VAPB: variants seen among roughly 807,000 people sequenced by gnomAD.
VAPB encodes the protein vesicle-associated membrane protein-associated protein B/C.
A neutral mutation model predicts 25.6 loss-of-function variants in VAPB; 7 were observed. The observed-to-expected ratio is 0.27, with a 90% CI of 0.16 to 0.51. The LOEUF (loss-of-function observed/expected upper bound fraction) is 0.51, where lower values mean the gene tolerates loss of function less well. Ranked by LOEUF, VAPB falls within the 20% of genes least tolerant of loss-of-function variation. The probability of loss-of-function intolerance (pLI) is 0.97; values close to 1 mark genes in which losing one functional copy is unlikely to be tolerated. For missense variants in VAPB, 266 were observed against 301.3 expected (o/e 0.88, Z 0.87); for synonymous variants, 112 against 109.2 (o/e 1.03, Z -0.16).
At chr20:58,393,741 G>GT (rs534640471) in intron 1 of VAPB, among the ~76,000 whole-genome samples, 7 of 132,876 alleles carry the variant, frequency 5.3e-5, no homozygotes, top group South Asian at 2.4e-4. Context: ...GTTTTGTTTT[G>GT]TTTTTTTTGA....
intron 1 of VAPB, among the ~76,000 whole-genome samples, chr20:58,417,791 T>C (rs1568709020): frequency 6.6e-6 from 1 of 152,340 alleles, no homozygotes; most frequent in South Asian, 2.1e-4. Flanking sequence ...CCTGTTAGAT[T>C]TCATATTGTT....
chr20:58,435,411 C>G (rs1235981920), intron 3 of VAPB, among the ~76,000 whole-genome samples: 1 of 152,180 alleles, frequency 6.6e-6, no homozygotes, highest in Non-Finnish European at 1.5e-5. Context: ...ACAGCCCCAG[C>G]AGGGACAGAT....
At chr20:58,423,777 A>C (rs906151785) in intron 2 of VAPB, among the ~76,000 whole-genome samples, 7 of 152,238 alleles carry the variant, frequency 4.6e-5, no homozygotes, top group African/African-American at 1.7e-4. Context: ...GTCTCTGATA[A>C]GCGAAACTTT....
rs574430481 is a variant in VAPB, at chr20:58,397,817, T to C, written c.58+8300T>C. On this transcript the variant is annotated intron_variant, in intron 1 of 5. Transcript: ENST00000475243. ...AACAAATAAGGGTGAGTTAATAAAC[T>C]AGAGACTTGTCTCAATTGTTCAAAG... 7.9e-5 allele frequency among the ~76,000 whole-genome samples: 12 copies of C among 152,340 alleles called. 1 individual carries two copies. In the East Asian group the frequency reaches 2.3e-3, roughly 29 times the overall value.
intron 1 of VAPB, among the ~76,000 whole-genome samples, chr20:58,407,651 CCTT>C (rs1988264435): frequency 6.6e-6 from 1 of 151,492 alleles, no homozygotes; most frequent in Non-Finnish European, 1.5e-5. Context: ...CATACGCCCT[CCTT>C]TTTTTTTTGT....
At chr20:58,402,786 G>A (rs1988131303) in intron 1 of VAPB, among the ~76,000 whole-genome samples, 1 of 152,100 alleles carries the variant, frequency 6.6e-6, no homozygotes. Flanking sequence ...AAGCGAATCA[G>A]TTGAGGCCAG....
chr20:58,439,422 C>A, intron 4 of VAPB: 1 of 261,564 alleles, frequency 3.8e-6, no homozygotes, highest in Non-Finnish European at 7.5e-6. Context: ...TTACAAAGTG[C>A]CCTGTCAGCC....
At chr20:58,430,094 A>G (rs907072687) in intron 2 of VAPB, among the ~76,000 whole-genome samples, 25 of 151,732 alleles carry the variant, frequency 1.6e-4, no homozygotes, top group South Asian at 8.3e-4. Flanking sequence ...GGGGTATATC[A>G]ATATTTATTA....
intron 2 of VAPB, among the ~76,000 whole-genome samples, chr20:58,426,427 G>C (rs1031633597): frequency 6.6e-6 from 1 of 152,142 alleles, no homozygotes; most frequent in Non-Finnish European, 1.5e-5. Flanking sequence ...CATGTGAGTA[G>C]GGTAAGGGAG....
chr20:58,434,541 C>A, intron 2 of VAPB, 61 bp from the exon 3 acceptor site: 1 of 841,100 alleles, frequency 1.2e-6, no homozygotes, highest in Non-Finnish European at 2.1e-6. Flanking sequence ...CAAGTATTAG[C>A]ATAATAAATG....
chr20:58,413,766 G>A (rs922794967), intron 1 of VAPB, among the ~76,000 whole-genome samples: 6 of 151,022 alleles, frequency 4.0e-5, no homozygotes, highest in African/African-American at 1.5e-4. Context: ...CCGCTGGCCG[G>A]GCGGGGGGCT....
chr20:58,390,720 T>A (rs1387506339), intron 1 of VAPB, among the ~76,000 whole-genome samples: 1 of 152,208 alleles, frequency 6.6e-6, no homozygotes, highest in African/African-American at 2.4e-5. Context: ...AATGAATGAA[T>A]GGCCAGAGGC....
intron 1 of VAPB, among the ~76,000 whole-genome samples, chr20:58,410,352 C>G (rs1221558432): frequency 6.6e-6 from 1 of 152,114 alleles, no homozygotes; most frequent in Non-Finnish European, 1.5e-5. Context: ...TTTTACTGTC[C>G]TAAAACTGCT....
At chr20:58,435,621 C>G (rs1017341376) in intron 3 of VAPB, among the ~76,000 whole-genome samples, 2 of 152,206 alleles carry the variant, frequency 1.3e-5, no homozygotes, top group African/African-American at 4.8e-5. Flanking sequence ...CCAAGACCAC[C>G]CCATGCCCTA....
At chr20:58,416,893 A>C (rs1252725208) in intron 1 of VAPB, among the ~76,000 whole-genome samples, 2 of 152,300 alleles carry the variant, frequency 1.3e-5, no homozygotes, top group Non-Finnish European at 2.9e-5. Flanking sequence ...TCTTTATTCT[A>C]TGCCAGCCAC....
intron 1 of VAPB, among the ~76,000 whole-genome samples, chr20:58,391,537 G>GTT (rs113514014): frequency 3.5e-4 from 51 of 145,698 alleles, no homozygotes; most frequent in African/African-American, 1.2e-3. Flanking sequence ...GCCACTAGTA[G>GTT]TTTTTTTTTT....
rs1257071321 is a variant in VAPB, at chr20:58,446,076, A to G, written c.*1841A>G. ...AGTAACTTCCTGTCTTCATGAAAAAAGTTGACTTTGAATCCCAGGTACTCA... is the reference window on the plus strand; with the variant it reads ...AGTAACTTCCTGTCTTCATGAAAAAGGTTGACTTTGAATCCCAGGTACTCA... On this transcript the variant is annotated 3_prime_UTR_variant, in exon 6 of 6. Transcript: ENST00000475243. 1 of 454,038 alleles carries G rather than the reference A, an allele frequency of 2.2e-6. No individual in the cohort carries two copies. The highest frequency in any genetic ancestry group is 4.4e-6 in the Non-Finnish European group (1 of 226,784). 28.1% of individuals were successfully genotyped at this position (454,038 alleles called of 1,614,324 possible).
At position 58,444,347 on chromosome 20, in the gene VAPB, G is replaced by T. The variant is rs761440191; in HGVS notation, c.*112G>T. On this transcript the variant is annotated 3_prime_UTR_variant, in exon 6 of 6. Transcript: ENST00000475243. ...ATTAATGTATGATGACATCTCACAG[G>T]TCTTGCCTTTAAATTACCCCTCCCT... 2.2e-5 allele frequency: 33 copies of T among 1,528,178 alleles called. No individual in the cohort carries two copies. Among genetic ancestry groups the T allele is most frequent in the Admixed American group, 1.0e-4 (6 of 59,586 alleles). 94.7% of individuals were successfully genotyped at this position (1,528,178 alleles called of 1,614,324 possible). A position where few individuals can be genotyped will look rare whatever the true frequency, so the allele number is the denominator to read the frequency against.
intron 5 of VAPB, among the ~76,000 whole-genome samples, chr20:58,442,055 A>G (rs1468504587): frequency 1.3e-5 from 2 of 152,144 alleles, no homozygotes; most frequent in Non-Finnish European, 2.9e-5. Context: ...GGTGGTGTGG[A>G]AGTTGCTCCC....
Sources: gnomAD v4.1 joint callset for allele counts (sites outside exome capture counted in the v4.1 genomes callset) on GRCh38, gnomAD v4.1.1 for gene constraint, MANE v1.5 for transcripts, NCBI Gene and HGNC (gene_info 2026-07-23, HGNC 2026-07-21) for gene names.